ZNF37A: variants seen among roughly 807,000 people sequenced by gnomAD.
ZNF37A encodes zinc finger protein 37a (KOX 21).
Under a neutral mutation model 12.3 loss-of-function variants are expected in ZNF37A, and 10 were observed. The ratio of observed to expected loss-of-function variants is 0.82; its 90% confidence interval spans 0.50 to 1.38. The LOEUF is 1.38. Ranked by LOEUF, ZNF37A falls within the 40% of genes most tolerant of loss-of-function variation. The pLI, the probability that ZNF37A is intolerant of heterozygous loss-of-function variation, is 0.00. For missense variants in ZNF37A, 580 were observed against 651.2 expected, an observed-to-expected ratio of 0.89 and a Z score of 1.19; for synonymous variants, 207 against 223.0, an observed-to-expected ratio of 0.93 and a Z score of 0.64.
chr10:38,125,855 T>C (rs1433511077), downstream of ZNF37A, among the ~76,000 whole-genome samples: 1 of 152,200 alleles, frequency 6.6e-6, no homozygotes, highest in Non-Finnish European at 1.5e-5. Context: ...CTGCAGGCTT[T>C]ACAGGAAGCA....
At position 38,147,291 on chromosome 10, in the gene ZNF37A, T is replaced by C. The variant is rs1305478476; in HGVS notation, c.*471T>C. On this transcript the variant is annotated 3_prime_UTR_variant, in exon 8 of 8. Transcript: ENST00000638053. The stretch of plus-strand genomic sequence containing the variant: ...TCCCAGCAAATTTGGGTGTCCAAAG[T>C]GGGTCCTGGAACTAATCCTCTGGAT... 5 of 152,300 alleles carry C rather than the reference T, an allele frequency of 3.3e-5. No individual in the cohort carries two copies. The East Asian group carries it at 5.8e-4, about 18-fold the overall frequency. The allele number at this position is 152,300 out of a possible 1,614,324, so 9.4% of individuals were successfully genotyped here. A position where few individuals can be genotyped will look rare whatever the true frequency, so the allele number is the denominator to read the frequency against.
chr10:38,098,781 G>A (rs2067338802), intron 5 of ZNF37A, among the ~76,000 whole-genome samples: 1 of 152,266 alleles, frequency 6.6e-6, no homozygotes, highest in Non-Finnish European at 1.5e-5. Context: ...ACACTACGAG[G>A]GCAGAATTGA....
rs1205314620 is a variant in ZNF37A at position 38,122,287 on chromosome 10, CTG to C, written c.*3453_*3454del. 2.6e-5 allele frequency: 4 copies of C among 151,678 alleles called. No individual in the cohort carries two copies. The highest frequency in any genetic ancestry group is 9.7e-5 in the African/African-American group (4 of 41,326). The allele number at this position is 151,678 out of a possible 1,614,324, so 9.4% of individuals were successfully genotyped here. ...GTCATTCAGCAGGTTAATGGATAAA[CTG>C]TGGAACATCCAGAAAACTTTAACAT... On this transcript the variant is annotated 3_prime_UTR_variant, in exon 8 of 8. Coordinates refer to ENST00000685332, the MANE Select transcript of ZNF37A (RefSeq NM_001324250.3).
chr10:38,102,764 C>T (rs1455472416), intron 5 of ZNF37A, among the ~76,000 whole-genome samples: 1 of 152,150 alleles, frequency 6.6e-6, no homozygotes, highest in East Asian at 1.9e-4. Flanking sequence ...CTCTCAGATT[C>T]TGTTGATCTA....
chr10:38,106,873 T>A (rs1295613760), intron 5 of ZNF37A, among the ~76,000 whole-genome samples: 1 of 152,002 alleles, frequency 6.6e-6, no homozygotes, highest in East Asian at 1.9e-4. Flanking sequence ...ACCAAATCTG[T>A]GTTTGATTGG....
intron 5 of ZNF37A, among the ~76,000 whole-genome samples, chr10:38,112,793 T>TCTTGTCTTGTCTTGTCTTGTCTTGTCTTG (rs1564932610): frequency 1.8e-4 from 9 of 48,776 alleles, no homozygotes; most frequent in Admixed American, 5.3e-4. Flanking sequence ...TTCTTTTCTT[T>TCTTGTCTTGTCTTGTCTTGTCTTGTCTTG]TCTTGTCTTG....
chr10:38,145,901 C>CCAGGCT (rs1564390256), intron 7 of ZNF37A, among the ~76,000 whole-genome samples: 1 of 152,124 alleles, frequency 6.6e-6, no homozygotes, highest in East Asian at 1.9e-4. Context: ...GGGCTCGAGA[C>CCAGGCT]CAGCCTGGTC....
At position 38,117,451 on chromosome 10, in the gene ZNF37A, A is replaced by G; in HGVS notation, c.300A>G (p.Gly100=). ...AGTTCAATGAGTTTAACAAAGGTGG[A>G]AAATGTTTCTGTGATGAAAAGCATG... ...IMKFNEFNKG[G]KCFCDEKHEI... Residue 100 remains glycine (G), a synonymous_variant, in exon 8 of 8, where the codon GGA becomes GGG. Coordinates refer to ENST00000685332, the MANE Select transcript of ZNF37A (RefSeq NM_001324250.3). 4 of 1,603,816 alleles carry G rather than the reference A, an allele frequency of 2.5e-6. No individual in the cohort carries two copies. The highest frequency in any genetic ancestry group is 3.4e-6 in the Non-Finnish European group (4 of 1,177,306).
In ZNF37A at chr10:38,112,773, T is replaced by TCATGG. The variant is rs1564932263; in HGVS notation, c.16-1982_16-1981insCATGG. 2.6e-4 allele frequency among the ~76,000 whole-genome samples: 17 copies of TCATGG among 65,634 alleles called. 3 individuals carry two copies. The highest frequency in any genetic ancestry group is 5.0e-4 in the Non-Finnish European group (15 of 29,862). The allele number at this position is 65,634 out of a possible 152,430, so 43.1% of individuals were successfully genotyped here. A position where few individuals can be genotyped will look rare whatever the true frequency, so the allele number is the denominator to read the frequency against. On this transcript the variant is annotated intron_variant, in intron 5 of 7. Transcript: ENST00000685332. ...TTCTTTTCTTTTCTTTTCTTTTCTT[T>TCATGG]TCTTTTCTTTTCTTTTCTTTTCTTG...
At chr10:38,111,860 A>C (rs2504148) in intron 5 of ZNF37A, among the ~76,000 whole-genome samples, 1 of 150,972 alleles carries the variant, frequency 6.6e-6, no homozygotes, top group African/African-American at 2.4e-5. Context: ...TTCTTTCAGC[A>C]CTTTGAATAT....
At chr10:38,139,942 A>C (rs2070159273) in intron 7 of ZNF37A, 1 of 152,200 alleles carries the variant, frequency 6.6e-6, no homozygotes, top group Non-Finnish European at 1.5e-5. Flanking sequence ...ATGTATTCAT[A>C]ATCATCTTAG....
chr10:38,136,180 G>A (rs11011459), intron 7 of ZNF37A, among the ~76,000 whole-genome samples: 1 of 152,142 alleles, frequency 6.6e-6, no homozygotes, highest in East Asian at 1.9e-4. Context: ...TTCACTCTTT[G>A]TCACCCAGCC....
At chr10:38,104,739 A>G (rs72793763) in intron 5 of ZNF37A, among the ~76,000 whole-genome samples, 10,866 of 151,980 alleles carry the variant, frequency 0.071, 528 homozygotes, top group Non-Finnish European at 0.11. Flanking sequence ...ATCCCTCTCA[A>G]TTGACAGTTA....
intron 5 of ZNF37A, among the ~76,000 whole-genome samples, chr10:38,103,511 C>A (rs1485456796): frequency 6.6e-6 from 1 of 151,978 alleles, no homozygotes; most frequent in East Asian, 1.9e-4. Flanking sequence ...GATTTAAATT[C>A]TTTATCTAGT....
intron 5 of ZNF37A, among the ~76,000 whole-genome samples, chr10:38,111,706 A>C (rs1182979005): frequency 6.6e-6 from 1 of 152,170 alleles, no homozygotes; most frequent in Non-Finnish European, 1.5e-5. Context: ...GTTTTGAATC[A>C]CATTTCAACC....
At chr10:38,141,800 T>G (rs2070187758) in intron 7 of ZNF37A, 1 of 152,158 alleles carries the variant, frequency 6.6e-6, no homozygotes, top group Non-Finnish European at 1.5e-5. Context: ...AAATAAAAAT[T>G]TTTTAAATCA....
chr10:38,126,304 T>C (rs1486445599), downstream of ZNF37A, among the ~76,000 whole-genome samples: 1 of 152,184 alleles, frequency 6.6e-6, no homozygotes, highest in East Asian at 1.9e-4. Context: ...TCCTTCTCTC[T>C]CATTCCTGTT....
intron 5 of ZNF37A, among the ~76,000 whole-genome samples, chr10:38,112,996 C>T (rs1326104760): frequency 6.6e-6 from 1 of 151,264 alleles, no homozygotes; most frequent in African/African-American, 2.4e-5. Flanking sequence ...TTAGTAGAGA[C>T]AGGGTTTCAC....
intron 7 of ZNF37A, chr10:38,138,933 C>T (rs2070145603): frequency 6.6e-6 from 1 of 152,232 alleles, no homozygotes; most frequent in Non-Finnish European, 1.5e-5. Flanking sequence ...GACACATCCT[C>T]TGGTTCATTT....
Sources: gnomAD v4.1 joint callset for allele counts (sites outside exome capture counted in the v4.1 genomes callset) on GRCh38, gnomAD v4.1.1 for gene constraint, MANE v1.5 for transcripts, NCBI Gene and HGNC (gene_info 2026-07-23, HGNC 2026-07-21) for gene names.